ESR1: variants seen among roughly 807,000 people sequenced by gnomAD.
ESR1 encodes the protein estrogen receptor.
Under a neutral mutation model 52.7 loss-of-function variants are expected in ESR1, and 12 were observed. The ratio of observed to expected loss-of-function variants is 0.23; its 90% CI spans 0.15 to 0.37. The LOEUF (loss-of-function observed/expected upper bound fraction) is 0.37. Ranked by LOEUF, ESR1 falls within the 10% of genes least tolerant of loss-of-function variation. ESR1 has a pLI of 1.00. For missense variants in ESR1, 584 were observed against 779.7 expected, an observed-to-expected ratio of 0.75 and a Z score of 2.99; for synonymous variants, 305 against 316.8, an observed-to-expected ratio of 0.96 and a Z score of 0.39.
intron 3 of ESR1, among the ~76,000 whole-genome samples, chr6:151,911,040 C>T (rs189045449): frequency 3.9e-5 from 6 of 152,212 alleles, no homozygotes; most frequent in East Asian, 1.9e-4. Context: ...CTAATGCTGC[C>T]GCTGATCTGA....
intron 1 of ESR1, among the ~76,000 whole-genome samples, chr6:151,666,258 C>T (rs986883437): frequency 6.6e-6 from 1 of 152,148 alleles, no homozygotes; most frequent in Non-Finnish European, 1.5e-5. Context: ...TCTTTTTCAG[C>T]TATTAGAGGT....
At chr6:152,036,017 A>G (rs2045266233) in intron 5 of ESR1, among the ~76,000 whole-genome samples, 2 of 152,224 alleles carry the variant, frequency 1.3e-5, no homozygotes, top group Non-Finnish European at 2.9e-5. Context: ...TGGCACCAAA[A>G]GTACTAACCA....
At chr6:152,008,736 G>C (rs1006984051) in intron 4 of ESR1, among the ~76,000 whole-genome samples, 17 of 151,412 alleles carry the variant, frequency 1.1e-4, no homozygotes, top group Non-Finnish European at 1.9e-4. Flanking sequence ...TTCATCATGG[G>C]TGGCAATATT....
At chr6:152,020,585 G>A (rs2043556625) in intron 5 of ESR1, among the ~76,000 whole-genome samples, 1 of 152,026 alleles carries the variant, frequency 6.6e-6, no homozygotes, top group African/African-American at 2.4e-5. Context: ...AGAGTAGTTG[G>A]GATTACACGC....
At chr6:152,024,284 A>G (rs758704005) in intron 5 of ESR1, among the ~76,000 whole-genome samples, 2 of 152,094 alleles carry the variant, frequency 1.3e-5, no homozygotes, top group African/African-American at 4.8e-5. Context: ...TAGAAGGTGC[A>G]CATTGTTTTA....
intron 6 of ESR1, among the ~76,000 whole-genome samples, chr6:152,114,742 T>A (rs2051187608): frequency 6.6e-6 from 1 of 150,866 alleles, no homozygotes; most frequent in African/African-American, 2.4e-5. Flanking sequence ...ATACAAAAAA[T>A]TAGCCGGGCG....
chr6:152,048,574 G>T (rs2046423479), intron 5 of ESR1, among the ~76,000 whole-genome samples: 1 of 152,126 alleles, frequency 6.6e-6, no homozygotes, highest in African/African-American at 2.4e-5. Context: ...ACTGTACCCT[G>T]CAGGAAGGCA....
intron 5 of ESR1, among the ~76,000 whole-genome samples, chr6:152,013,856 C>T (rs2042966212): frequency 6.6e-6 from 1 of 151,970 alleles, no homozygotes; most frequent in Non-Finnish European, 1.5e-5. Context: ...TTACTATTGA[C>T]ATTTTGGGTC....
chr6:152,098,691 T>G lies in ESR1; in HGVS notation c.1554-41T>G, dbSNP rs768191645. 1 of 1,546,156 alleles carries G rather than the reference T, an allele frequency of 6.5e-7. No homozygotes were observed. Among genetic ancestry groups the G allele is most frequent in the Non-Finnish European group, 8.9e-7 (1 of 1,121,462 alleles). ...GATTTCAGCACTCCTGGGGCTCGGGTTGGCTCTAAAGTAGTCCTTTCTGTG... is the reference window on the plus strand; with the variant it reads ...GATTTCAGCACTCCTGGGGCTCGGGGTGGCTCTAAAGTAGTCCTTTCTGTG... On this transcript the variant is annotated intron_variant, in intron 7 of 7. Coordinates refer to ENST00000206249, the MANE Select transcript of ESR1 (RefSeq NM_000125.4). This position sits in a 1 kb window ranked among gnomAD's most constrained non-coding sequence, Gnocchi z 5.1.
chr6:152,102,502 T>C lies in ESR1; in HGVS notation c.*3536T>C, dbSNP rs1270584130. 1.4e-5 allele frequency: 3 copies of C among 209,710 alleles called. No homozygotes were observed. The highest frequency in any genetic ancestry group is 2.9e-5 in the Non-Finnish European group (3 of 103,186). The allele number at this position is 209,710 out of a possible 1,614,324, so 13.0% of individuals were successfully genotyped here. On this transcript the variant is annotated 3_prime_UTR_variant, in exon 8 of 8. Transcript: ENST00000206249. ...CCATAATTCTCTTTGGTGCAGGTCT[T>C]GGGAGCGTGATCTAGATTACACTGC...
At chr6:151,928,342 C>T (rs2033074749) in intron 3 of ESR1, among the ~76,000 whole-genome samples, 3 of 152,184 alleles carry the variant, frequency 2.0e-5, no homozygotes, top group Non-Finnish European at 2.9e-5. Flanking sequence ...CAACAAAACA[C>T]ACTATAGAGT....
At chr6:152,068,803 C>A (rs1585094868) in intron 6 of ESR1, among the ~76,000 whole-genome samples, 2 of 152,184 alleles carry the variant, frequency 1.3e-5, no homozygotes, top group African/African-American at 2.4e-5. Flanking sequence ...CAAAACTACC[C>A]ATTCTGCAAA....
chr6:151,809,446 C>A (rs901520866), intron 1 of ESR1, among the ~76,000 whole-genome samples: 2 of 152,182 alleles, frequency 1.3e-5, no homozygotes, highest in Non-Finnish European at 2.9e-5. Flanking sequence ...TAGGTGGCCA[C>A]AGGACAGGTG....
chr6:151,965,233 A>G (rs996380829), intron 4 of ESR1, among the ~76,000 whole-genome samples: 5 of 152,122 alleles, frequency 3.3e-5, no homozygotes, highest in African/African-American at 9.6e-5. Context: ...AAACCATAGT[A>G]TATATATATA....
chr6:151,660,459 C>G (rs748389741), intron 1 of ESR1, among the ~76,000 whole-genome samples: 2 of 152,060 alleles, frequency 1.3e-5, no homozygotes, highest in African/African-American at 4.8e-5. Flanking sequence ...TCTTCATCTG[C>G]AAAACTTTAT....
chr6:151,840,406 A>T (rs371086095), intron 1 of ESR1, among the ~76,000 whole-genome samples: 8 of 152,218 alleles, frequency 5.3e-5, no homozygotes, highest in African/African-American at 1.9e-4. Context: ...TCTAATGAAC[A>T]TTAAAAAATA....
At chr6:151,939,418 C>A (rs2034774169) in intron 3 of ESR1, among the ~76,000 whole-genome samples, 1 of 152,100 alleles carries the variant, frequency 6.6e-6, no homozygotes, top group African/African-American at 2.4e-5. Flanking sequence ...TGGTAGAAAG[C>A]AAGGAATGAG....
At position 151,773,790 on chromosome 6, in the gene ESR1, A is replaced by AGGTG. The variant is rs1383045200; in HGVS notation, c.-70-34052_-70-34051insGTGG. On this transcript the variant is annotated intron_variant, in intron 2 of 2. Transcript: ENST00000404742. The stretch of plus-strand genomic sequence containing the variant: ...AAGAATGGAATCTAATCACCTTGAA[A>AGGTG]GAATAATCTCTCATCTCCTCTGGTG... Among the ~76,000 whole-genome samples the AGGTG allele has an allele frequency of 7.9e-5, 12 of 152,348 alleles. No homozygotes were observed. The East Asian group carries it at 2.3e-3, about 29-fold the overall frequency.
chr6:151,868,268 C>T (rs1023132104), intron 2 of ESR1, among the ~76,000 whole-genome samples: 3 of 152,144 alleles, frequency 2.0e-5, no homozygotes, highest in African/African-American at 7.2e-5. Context: ...GCTGGGACTA[C>T]AGGCGTACAC....
Sources: gnomAD v4.1 joint callset for allele counts (sites outside exome capture counted in the v4.1 genomes callset) on GRCh38, gnomAD v4.1.1 for gene constraint, Gnocchi (gnomAD v3.1) non-coding constraint, MANE v1.5 for transcripts, NCBI Gene and HGNC (gene_info 2026-07-23, HGNC 2026-07-21) for gene names.